The following MYO7B variants were observed in gnomAD, a reference collection of about 807,000 sequenced individuals.
MYO7B encodes the protein unconventional myosin-VIIb.
A neutral mutation model predicts 259.7 loss-of-function variants in MYO7B; 212 were observed. That is an observed-to-expected ratio of 0.82 (90% CI 0.73 to 0.91). The LOEUF (loss-of-function observed/expected upper bound fraction) is 0.91. Ranked by LOEUF, MYO7B falls within the 40% of genes least tolerant of loss-of-function variation. MYO7B has a pLI of 0.00. For synonymous variants in MYO7B, 1,197 were observed against 1,166.4 expected (o/e 1.03, Z -0.54); for missense variants, 2,732 against 2,813.5 (o/e 0.97, Z 0.66).
rs989887779 is a variant in MYO7B at position 127,585,360 on chromosome 2, T to C, written c.1690+447T>C. Among the ~76,000 whole-genome samples the C allele has an allele frequency of 6.6e-6, 1 of 152,198 alleles. No individual in the cohort carries two copies. The highest frequency in any genetic ancestry group is 1.5e-5 in the Non-Finnish European group (1 of 68,038). ...ATAATACGTGGTCTTCTGTGGCTGG[T>C]TTCTTTCACTTAGCATCATGTTTTC... is the stretch of plus-strand genomic sequence containing the variant. On this transcript the variant is annotated intron_variant, in intron 14 of 47. Transcript: ENST00000409816. This position sits in a 1 kb window ranked among gnomAD's most constrained non-coding sequence, Gnocchi z 4.3.
Position 127,566,834 on chromosome 2 carries a change from C to A in MYO7B, c.470+7C>A. 6.2e-7 allele frequency: 1 copy of A among 1,604,412 alleles called. No homozygotes were observed. Among genetic ancestry groups the A allele is most frequent in the South Asian group, 1.1e-5 (1 of 90,720 alleles). On this transcript the variant is annotated splice_region_variant and intron_variant, in intron 5 of 47. Coordinates refer to ENST00000409816, the MANE Select transcript of MYO7B (RefSeq NM_001393586.1). Reference sequence around the variant, plus strand: ...ACCAGTGCTGCATCATCAGGTGAGGCAGAGGGGTCAGGCACCACCTCCAGG... The same window carrying A: ...ACCAGTGCTGCATCATCAGGTGAGGAAGAGGGGTCAGGCACCACCTCCAGG...
At chr2:127,545,877 C>G (rs1693208879) in intron 1 of MYO7B, among the ~76,000 whole-genome samples, 1 of 152,230 alleles carries the variant, frequency 6.6e-6, no homozygotes, top group East Asian at 1.9e-4. Context: ...CAAGGCTGAC[C>G]ATTTATAGTG....
rs771875661 is a variant in MYO7B, at chr2:127,566,769, G to A, written c.412G>A (p.Ala138Thr). The change falls in exon 5 of 48, where the codon GCC (alanine) becomes ACC (threonine). Residue 138 changes from alanine to threonine, a missense_variant. Around this residue, in one of 3 missense-constraint regions of MYO7B, gnomAD observed 1,906 missense variants for 2,026.4 expected, o/e 0.94. Coordinates refer to ENST00000409816, the MANE Select transcript of MYO7B (RefSeq NM_001393586.1). ...GELPPHVFAIANNCYFSMKRN... is the reference protein window; with the variant it reads ...GELPPHVFAITNNCYFSMKRN... ...GCTGCCCCCGCATGTCTTTGCCATC[G>A]CCAACAACTGCTACTTCAGCATGAA... 7.4e-6 allele frequency: 12 copies of A among 1,612,354 alleles called. No individual in the cohort carries two copies. The highest frequency in any genetic ancestry group is 1.3e-5 in the African/African-American group (1 of 74,938).
At position 127,592,816 on chromosome 2, in the gene MYO7B, T is replaced by C. The variant is rs1299706509; in HGVS notation, c.2015T>C (p.Leu672Pro). The C allele has an allele frequency of 1.2e-6, 2 of 1,609,622 alleles. No homozygotes were observed. Among genetic ancestry groups the C allele is most frequent in the East Asian group, 4.5e-5 (2 of 44,762 alleles). The change falls in exon 17 of 48, where the codon CTG (leucine) becomes CCG (proline). Residue 672 changes from leucine (L) to proline (P), a missense_variant. Physicochemically the swap from Leu to Pro is moderately conservative, Grantham distance 98. Coordinates refer to ENST00000409816, the MANE Select transcript of MYO7B (RefSeq NM_001393586.1). ...KPLLFDRELC[L>P]RQLRYSGMME... ...CAGCTGTTCGACCGGGAGCTGTGCC[T>C]GCGGCAGCTGCGATACTCGGGCATG...
Position 127,539,376 on chromosome 2 carries a change from C to T in MYO7B, c.-24+3545C>T, listed in dbSNP as rs375882525. 9.9e-5 allele frequency among the ~76,000 whole-genome samples: 15 copies of T among 152,168 alleles called. No individual in the cohort carries two copies. The highest frequency in any genetic ancestry group is 4.1e-4 in the South Asian group (2 of 4,832). On this transcript the variant is annotated intron_variant, in intron 1 of 47. Coordinates refer to ENST00000409816, the MANE Select transcript of MYO7B (RefSeq NM_001393586.1). The surrounding 1 kb of genome is among the most constrained non-coding windows in gnomAD (Gnocchi z 4.0). ...TTTGTTCTGAACTTCCAGATAGTCA[C>T]GCACAAAACTATGCAGTAAAGATTA...
chr2:127,566,443 G>GA (rs1209521397), intron 4 of MYO7B, among the ~76,000 whole-genome samples, 200 bp from the exon 5 acceptor site: 2 of 152,256 alleles, frequency 1.3e-5, no homozygotes, highest in Non-Finnish European at 2.9e-5. Context: ...CCTTCCTGGT[G>GA]GATATCCCAT....
chr2:127,593,751 C>A, intron 18 of MYO7B, 107 bp downstream of exon 18: 1 of 990,570 alleles, frequency 1.0e-6, no homozygotes, highest in Non-Finnish European at 1.6e-6. Context: ...GAGCCAATGA[C>A]ACTGGGCAGC....
intron 6 of MYO7B, among the ~76,000 whole-genome samples, chr2:127,571,949 T>A (rs1678651391): frequency 6.6e-6 from 1 of 152,244 alleles, no homozygotes; most frequent in South Asian, 2.1e-4. Context: ...TTTCCTTTTA[T>A]GGGTCATGCT....
chr2:127,622,765 A>G (rs1391845938), intron 28 of MYO7B, among the ~76,000 whole-genome samples: 1 of 152,220 alleles, frequency 6.6e-6, no homozygotes, highest in East Asian at 1.9e-4. Flanking sequence ...GTGAACTTGC[A>G]GTAGCTGTGC....
At position 127,627,504 on chromosome 2, in the gene MYO7B, G is replaced by C. The variant is rs1162126628; in HGVS notation, c.4460+194G>C. 2 of 791,128 alleles carry C rather than the reference G, an allele frequency of 2.5e-6. No homozygotes were observed. Among genetic ancestry groups the C allele is most frequent in the African/African-American group, 1.7e-5 (1 of 58,782 alleles). The allele number at this position is 791,128 out of a possible 1,614,324, so 49.0% of individuals were successfully genotyped here. ...TCCTGCACCAGGCCGTACTGCCCAT[G>C]AAGTACTCCATTGGGGCATCACGCG... On this transcript the variant is annotated intron_variant, in intron 33 of 47. Transcript: ENST00000409816. This position sits in a 1 kb window ranked among gnomAD's most constrained non-coding sequence, Gnocchi z 5.6.
Position 127,627,374 on chromosome 2 carries a change from G to T in MYO7B, c.4460+64G>T. On this transcript the variant is annotated intron_variant, in intron 33 of 47. Transcript: ENST00000409816. This position sits in a 1 kb window ranked among gnomAD's most constrained non-coding sequence, Gnocchi z 5.6. ...GTCCTTGTGATGCATCTGGGGGCTC[G>T]GGGAGAGATGGGGAGAGGGGCAGTG... 2 of 1,531,830 alleles carry T rather than the reference G, an allele frequency of 1.3e-6. No homozygotes were observed. Among genetic ancestry groups the T allele is most frequent in the Middle Eastern group, 1.7e-4 (1 of 5,808 alleles). 94.9% of individuals were successfully genotyped at this position (1,531,830 alleles called of 1,614,324 possible). A position where few individuals can be genotyped will look rare whatever the true frequency, so the allele number is the denominator to read the frequency against.
intron 27 of MYO7B, among the ~76,000 whole-genome samples, chr2:127,621,388 G>A (rs1015291777): frequency 6.6e-6 from 1 of 151,710 alleles, no homozygotes; most frequent in Non-Finnish European, 1.5e-5. Flanking sequence ...AGCCTCTCGA[G>A]TAGCTGGCAT....
At chr2:127,623,421 C>T in intron 29 of MYO7B, 46 bp downstream of exon 29, 1 of 1,488,404 alleles carries the variant, frequency 6.7e-7, no homozygotes, top group Non-Finnish European at 8.9e-7. Flanking sequence ...CTCATACACC[C>T]AGGGAGAGCA....
Position 127,578,134 on chromosome 2 carries a change from G to T in MYO7B, c.851G>T (p.Gly284Val), listed in dbSNP as rs929468139. 8 of 1,613,634 alleles carry T rather than the reference G, an allele frequency of 5.0e-6. No homozygotes were observed. The highest frequency in any genetic ancestry group is 5.9e-6 in the Non-Finnish European group (7 of 1,179,818). The change falls in exon 9 of 48, where the codon GGG (glycine) becomes GTG (valine). Residue 284 changes from glycine to valine, a missense_variant and splice_region_variant. Coordinates refer to ENST00000409816, the MANE Select transcript of MYO7B (RefSeq NM_001393586.1). Reference protein sequence around the residue: ...TPSEYHYLTMGNCTSCEGLND... With the variant: ...TPSEYHYLTMVNCTSCEGLND... ...TCACTGAGGCACCCTGTCCCTCAGG[G>T]GAACTGCACTTCCTGTGAGGGGCTC...
In MYO7B at chr2:127,584,108, C is replaced by A. The variant is rs1679210506; in HGVS notation, c.1344-14C>A. The A allele has an allele frequency of 1.2e-6, 2 of 1,607,616 alleles. No homozygotes were observed. Among genetic ancestry groups the A allele is most frequent in the Non-Finnish European group, 1.7e-6 (2 of 1,176,892 alleles). On this transcript the variant is annotated splice_polypyrimidine_tract_variant and intron_variant, in intron 12 of 47. Coordinates refer to ENST00000409816, the MANE Select transcript of MYO7B (RefSeq NM_001393586.1). The surrounding 1 kb of genome is among the most constrained non-coding windows in gnomAD (Gnocchi z 5.8). ...GCCCCACTCCACCCCTGGGCAGTGA[C>A]CTTGCCTCCACAGCTTCGAGCAGCT... is the stretch of plus-strand genomic sequence containing the variant.
At chr2:127,596,003 A>G (rs565159962) in intron 18 of MYO7B, among the ~76,000 whole-genome samples, 4 of 152,190 alleles carry the variant, frequency 2.6e-5, no homozygotes, top group Non-Finnish European at 4.4e-5. Flanking sequence ...GCTGAGTTCT[A>G]AATATCTTTG....
In MYO7B at chr2:127,584,264, C is replaced by G; in HGVS notation, c.1486C>G (p.Leu496Val). The part of the protein sequence containing the change: ...YIHYTDNRPT[L>V]DLLALKPMSI... ...CCACTACACCGACAATCGGCCCACC[C>G]TGGACCTGCTGGCCCTCAAGCCCAT... The change falls in exon 13 of 48, where the codon CTG (leucine) becomes GTG (valine). Residue 496 changes from leucine (L) to valine (V), a missense_variant. Coordinates refer to ENST00000409816, the MANE Select transcript of MYO7B (RefSeq NM_001393586.1). The surrounding 1 kb of genome is among the most constrained non-coding windows in gnomAD (Gnocchi z 5.8). 6.2e-7 allele frequency: 1 copy of G among 1,614,030 alleles called. No individual in the cohort carries two copies. Among genetic ancestry groups the G allele is most frequent in the Non-Finnish European group, 8.5e-7 (1 of 1,179,906 alleles).
intron 2 of MYO7B, among the ~76,000 whole-genome samples, chr2:127,563,741 C>T (rs1040903925): frequency 6.6e-6 from 1 of 152,212 alleles, no homozygotes; most frequent in Non-Finnish European, 1.5e-5. Flanking sequence ...TTCTGTTTCT[C>T]ATCCTCCTAT....
chr2:127,605,611 C>T (rs1171615358), intron 19 of MYO7B, among the ~76,000 whole-genome samples: 1 of 152,100 alleles, frequency 6.6e-6, no homozygotes, highest in South Asian at 2.1e-4. Flanking sequence ...AAACAAAAAA[C>T]AAAAAACACT....
Sources: gnomAD v4.1 joint callset for allele counts (sites outside exome capture counted in the v4.1 genomes callset) on GRCh38, gnomAD v4.1.1 for gene constraint, gnomAD v4.1.1 regional missense constraint, Gnocchi (gnomAD v3.1) non-coding constraint, MANE v1.5 for transcripts, NCBI Gene and HGNC (gene_info 2026-07-23, HGNC 2026-07-21) for gene names.